Variants in EPS8 observed in about 807,000 individuals in gnomAD.
EPS8 encodes the protein epidermal growth factor receptor kinase substrate 8.
EPS8 carries 42 observed loss-of-function variants against 103.8 expected under a neutral mutation model. The observed-to-expected ratio is 0.40, with a 90% confidence interval of 0.32 to 0.52. The LOEUF (loss-of-function observed/expected upper bound fraction) is 0.52. Among genes scored for constraint, EPS8 ranks in the 20% least tolerant of loss-of-function variants. The probability of loss-of-function intolerance (pLI) is 0.40; values close to 1 mark genes in which losing one functional copy is unlikely to be tolerated. For synonymous variants in EPS8, 344 were observed against 344.6 expected (o/e 1.00, Z 0.02); for missense variants, 969 against 1,005.1 (o/e 0.96, Z 0.49).
intron 1 of EPS8, chr12:15,732,648 T>G (rs1946729246): frequency 2.5e-6 from 1 of 398,712 alleles, no homozygotes; most frequent in Admixed American, 6.4e-5. Flanking sequence ...GTCAATTATT[T>G]TTTGGAGAAG....
intron 1 of EPS8, among the ~76,000 whole-genome samples, chr12:15,783,268 G>A (rs1218947370): frequency 6.6e-6 from 1 of 152,060 alleles, no homozygotes; most frequent in African/African-American, 2.4e-5. Flanking sequence ...TTTCTTTTCT[G>A]TAGTTTATTG....
Position 15,752,600 on chromosome 12 carries a change from C to T in EPS8, c.-22+36561G>A, listed in dbSNP as rs1427675020. 1.3e-5 allele frequency among the ~76,000 whole-genome samples: 2 copies of T among 151,942 alleles called. No homozygotes were observed. Among genetic ancestry groups the T allele is most frequent in the African/African-American group, 4.8e-5 (2 of 41,348 alleles). On this transcript the variant is annotated intron_variant, in intron 1 of 20. Coordinates refer to ENST00000281172, the MANE Select transcript of EPS8 (RefSeq NM_004447.6). This position sits in a 1 kb window ranked among gnomAD's most constrained non-coding sequence, Gnocchi z 4.4. ...CAGAGTCAGAAACATTATATTGAGC[C>T]CCCAAATTATCTGAGAAAAAAAAGT...
chr12:15,721,749 G>A lies in EPS8; in HGVS notation c.-21-38777C>T, dbSNP rs755756679. ...ACTACAACAAATAGAAATAAGAAGTGCCTACAGGATTTCTAGTGTTTCATT... is the reference window on the plus strand; with the variant it reads ...ACTACAACAAATAGAAATAAGAAGTACCTACAGGATTTCTAGTGTTTCATT... On this transcript the variant is annotated intron_variant, in intron 1 of 20. Transcript: ENST00000281172. This position sits in a 1 kb window ranked among gnomAD's most constrained non-coding sequence, Gnocchi z 4.4. Among the ~76,000 whole-genome samples the A allele has an allele frequency of 7.2e-5, 11 of 151,948 alleles. No homozygotes were observed. Among genetic ancestry groups the A allele is most frequent in the Non-Finnish European group, 1.6e-4 (11 of 67,990 alleles).
chr12:15,678,846 G>A (rs891824853), intron 3 of EPS8, among the ~76,000 whole-genome samples: 13 of 150,228 alleles, frequency 8.7e-5, no homozygotes, highest in Non-Finnish European at 1.5e-4. Context: ...CCCTGGAGGC[G>A]GAGGCTGCAG....
intron 15 of EPS8, among the ~76,000 whole-genome samples, chr12:15,645,318 A>T (rs1381728706): frequency 6.6e-6 from 1 of 152,122 alleles, no homozygotes; most frequent in Non-Finnish European, 1.5e-5. Flanking sequence ...TCAGCCAATG[A>T]TTATGTTTCT....
rs925922338 is a variant in EPS8, at chr12:15,776,097, T to C, written c.-22+13064A>G. 2.0e-5 allele frequency among the ~76,000 whole-genome samples: 3 copies of C among 152,208 alleles called. No homozygotes were observed. The highest frequency in any genetic ancestry group is 4.4e-5 in the Non-Finnish European group (3 of 68,024). On this transcript the variant is annotated intron_variant, in intron 1 of 20. Coordinates refer to ENST00000281172, the MANE Select transcript of EPS8 (RefSeq NM_004447.6). This position sits in a 1 kb window ranked among gnomAD's most constrained non-coding sequence, Gnocchi z 4.2. ...ATTTTATTATATATTCAATATAAAT[T>C]TGTGTACATATTTCTCTCCAGCAAT... is the stretch of plus-strand genomic sequence containing the variant.
rs985474835 is a variant in EPS8, at chr12:15,734,490, C to A, written c.-21-51518G>T. 6.6e-6 allele frequency among the ~76,000 whole-genome samples: 1 copy of A among 151,958 alleles called. No individual in the cohort carries two copies. Among genetic ancestry groups the A allele is most frequent in the Non-Finnish European group, 1.5e-5 (1 of 67,976 alleles). The stretch of plus-strand genomic sequence containing the variant: ...CGGGTGGATCACGAGGTCAGGAGAT[C>A]GAGACCATCCTGGCTAACACGGTGA... On this transcript the variant is annotated intron_variant, in intron 1 of 20. Coordinates refer to ENST00000281172, the MANE Select transcript of EPS8 (RefSeq NM_004447.6). The surrounding 1 kb of genome is among the most constrained non-coding windows in gnomAD (Gnocchi z 4.1).
chr12:15,707,600 C>T (rs1265090755), intron 1 of EPS8, among the ~76,000 whole-genome samples: 1 of 151,824 alleles, frequency 6.6e-6, no homozygotes, highest in Admixed American at 6.6e-5. Context: ...CAAATAAATC[C>T]TTCCGAAGTC....
rs1315293717 is a variant in EPS8 at position 15,647,038 on chromosome 12, A to G, written c.1568+89T>C. ...TAACAGATGGAAAGTTTAAAGAAGC[A>G]GTAGACAATACAGACACTGTCACCT... On this transcript the variant is annotated intron_variant, in intron 15 of 20. Transcript: ENST00000281172. The G allele has an allele frequency of 2.4e-6, 3 of 1,229,238 alleles. No homozygotes were observed. In the Admixed American group the frequency reaches 7.6e-5, roughly 31 times the overall value. 76.1% of individuals were successfully genotyped at this position (1,229,238 alleles called of 1,614,324 possible). A position where few individuals can be genotyped will look rare whatever the true frequency, so the allele number is the denominator to read the frequency against.
At chr12:15,722,042 G>A (rs2135978663) in intron 1 of EPS8, among the ~76,000 whole-genome samples, 1 of 150,858 alleles carries the variant, frequency 6.6e-6, no homozygotes, top group East Asian at 1.9e-4. Flanking sequence ...ATCCTGAGAA[G>A]TCACAACAAA....
chr12:15,657,834 C>G, intron 12 of EPS8: 1 of 396,840 alleles, frequency 2.5e-6, no homozygotes, highest in Non-Finnish European at 4.5e-6. Context: ...ATCTTTATTT[C>G]TTTTCATATC....
chr12:15,633,909 T>C (rs376273094), intron 17 of EPS8, among the ~76,000 whole-genome samples: 12 of 152,272 alleles, frequency 7.9e-5, no homozygotes, highest in African/African-American at 2.9e-4. Context: ...CACTTTTCTG[T>C]CTCCCTCCCT....
rs1408845020 is a variant in EPS8, at chr12:15,747,352, T to A, written c.-22+41809A>T. ...ATACTATATATAGCTAATATGGTTA[T>A]CAGAAAGTGCTTAATCTTAGTACAT... On this transcript the variant is annotated intron_variant, in intron 1 of 20. Coordinates refer to ENST00000281172, the MANE Select transcript of EPS8 (RefSeq NM_004447.6). The surrounding 1 kb of genome is among the most constrained non-coding windows in gnomAD (Gnocchi z 4.4). Among the ~76,000 whole-genome samples, 1 of 152,210 alleles carries A rather than the reference T, an allele frequency of 6.6e-6. No homozygotes were observed. Among genetic ancestry groups the A allele is most frequent in the Non-Finnish European group, 1.5e-5 (1 of 68,046 alleles).
chr12:15,718,997 T>G (rs1388983808), intron 1 of EPS8, among the ~76,000 whole-genome samples: 1 of 152,004 alleles, frequency 6.6e-6, no homozygotes, highest in Non-Finnish European at 1.5e-5. Flanking sequence ...CTCCTATCTA[T>G]AATCATGTGC....
Position 15,785,630 on chromosome 12 carries a change from T to C in EPS8, c.-22+3531A>G, listed in dbSNP as rs1947303704. ...ACATGAGAGAACCTAGAAGCAATGA[T>C]ACCACAGTAGCAACAAGCACACCTA... On this transcript the variant is annotated intron_variant, in intron 1 of 20. Coordinates refer to ENST00000281172, the MANE Select transcript of EPS8 (RefSeq NM_004447.6). The surrounding 1 kb of genome is among the most constrained non-coding windows in gnomAD (Gnocchi z 4.9). Among the ~76,000 whole-genome samples, 1 of 152,092 alleles carries C rather than the reference T, an allele frequency of 6.6e-6. No homozygotes were observed. The highest frequency in any genetic ancestry group is 6.5e-5 in the Admixed American group (1 of 15,278).
At chr12:15,712,171 GTTGT>G (rs1946474515) in intron 1 of EPS8, among the ~76,000 whole-genome samples, 1 of 151,934 alleles carries the variant, frequency 6.6e-6, no homozygotes, top group South Asian at 2.1e-4. Flanking sequence ...TTTTGAAAGA[GTTGT>G]TTCTTAAAAG....
At chr12:15,659,965 C>T (rs1945575988) in intron 10 of EPS8, among the ~76,000 whole-genome samples, 1 of 152,130 alleles carries the variant, frequency 6.6e-6, no homozygotes, top group Non-Finnish European at 1.5e-5. Context: ...TAGTTTACAA[C>T]AGAATAAATC....
chr12:15,639,261 A>G (rs1945188190), intron 17 of EPS8, among the ~76,000 whole-genome samples: 1 of 152,128 alleles, frequency 6.6e-6, no homozygotes, highest in Non-Finnish European at 1.5e-5. Flanking sequence ...TACTACCTCT[A>G]TGGGAAAGAA....
At chr12:15,662,261 T>C in intron 8 of EPS8, 162 bp from the exon 9 acceptor site, 1 of 1,450,316 alleles carries the variant, frequency 6.9e-7, no homozygotes, top group Non-Finnish European at 9.0e-7. Context: ...ATGAAATGCA[T>C]CCTTGTCAAT....
Sources: gnomAD v4.1 joint callset for allele counts (sites outside exome capture counted in the v4.1 genomes callset) on GRCh38, gnomAD v4.1.1 for gene constraint, Gnocchi (gnomAD v3.1) non-coding constraint, MANE v1.5 for transcripts, NCBI Gene and HGNC (gene_info 2026-07-23, HGNC 2026-07-21) for gene names.